The following FAM131B variants were observed in gnomAD, a reference collection of about 807,000 sequenced individuals.
FAM131B encodes the protein protein FAM131B.
FAM131B carries 19 observed loss-of-function variants against 42.0 expected under a neutral mutation model. The observed-to-expected ratio is 0.45, with a 90% CI of 0.32 to 0.66. The LOEUF (loss-of-function observed/expected upper bound fraction) is 0.66, where lower values mean the gene tolerates loss of function less well. Among genes scored for constraint, FAM131B ranks in the 30% least tolerant of loss-of-function variants. The pLI is 0.05. For missense variants in FAM131B, 370 were observed against 468.4 expected (o/e 0.79, Z 1.94); for synonymous variants, 183 against 177.6 (o/e 1.03, Z -0.24).
chr7:143,360,048 A>T lies in FAM131B; in HGVS notation c.130T>A (p.Ser44Thr), dbSNP rs1441572879. Residue 44 changes from serine (S) to threonine (T), a missense_variant, in exon 2 of 7, where the codon TCG becomes ACG. Coordinates refer to ENST00000443739, the MANE Select transcript of FAM131B (RefSeq NM_001031690.3). ...SLHGSSLHRP[S>T]TEQTRTDFSW... Reference sequence around the variant, plus strand: ...GCTGAGTGAGGTCTCACCTCAGTCGATGGCCGATGGAGGCTGCTCCCGTGC... The same window carrying T: ...GCTGAGTGAGGTCTCACCTCAGTCGTTGGCCGATGGAGGCTGCTCCCGTGC... 1 of 1,612,326 alleles carries T rather than the reference A, an allele frequency of 6.2e-7. No homozygotes were observed. Among genetic ancestry groups the T allele is most frequent in the Non-Finnish European group, 8.5e-7 (1 of 1,178,710 alleles).
At chr7:143,375,068 C>A in the FAM131B span, among the ~76,000 whole-genome samples, 2 of 152,230 alleles carry the variant, frequency 1.3e-5, no homozygotes, top group Non-Finnish European at 2.9e-5. Context: ...TCCCCAGCAC[C>A]TAACAAACTG....
the FAM131B span, among the ~76,000 whole-genome samples, chr7:143,369,661 C>T: frequency 7.2e-5 from 8 of 110,492 alleles, no homozygotes; most frequent in Non-Finnish European, 1.2e-4. Flanking sequence ...GGCGACAGAG[C>T]GAGAATCCGT....
the FAM131B span, chr7:143,379,900 G>T: frequency 4.2e-6 from 1 of 237,382 alleles, no homozygotes; most frequent in Non-Finnish European, 6.8e-6. Flanking sequence ...TCTGACACCA[G>T]TTTCAGTTTA....
At position 143,360,070 on chromosome 7, in the gene FAM131B, G is replaced by A. The variant is rs886341286; in HGVS notation, c.108C>T (p.His36=). Residue 36 remains histidine (H), a synonymous_variant, in exon 2 of 7, where the codon CAC becomes CAT. Coordinates refer to ENST00000443739, the MANE Select transcript of FAM131B (RefSeq NM_001031690.3). ...TCGATGGCCGATGGAGGCTGCTCCCGTGCAGTGAGCTGGTGCTGTCCATGT... is the reference window on the plus strand; with the variant it reads ...TCGATGGCCGATGGAGGCTGCTCCCATGCAGTGAGCTGGTGCTGTCCATGT... The part of the protein sequence containing the change: ...QINMDSTSSL[H]GSSLHRPSTE... 1.9e-5 allele frequency: 31 copies of A among 1,613,692 alleles called. No individual in the cohort carries two copies. The highest frequency in any genetic ancestry group is 5.3e-5 in the African/African-American group (4 of 74,914).
In FAM131B at chr7:143,359,349, G is replaced by A. The variant is rs541030689; in HGVS notation, c.245C>T (p.Ala82Val). ...ACCTGAGAATGATGACTTGGCCAGG[G>A]CCCCAATGCCATAGGCGTTAGAGTT... Reference protein sequence around the residue: ...KRNSNAYGIGALAKSSFSGIS... With the variant: ...KRNSNAYGIGVLAKSSFSGIS... Residue 82 changes from alanine (A) to valine (V), a missense_variant, in exon 4 of 7, where the codon GCC becomes GTC. Physicochemically the swap from Ala to Val is moderately conservative, Grantham distance 64 (BLOSUM62 0). Coordinates refer to ENST00000443739, the MANE Select transcript of FAM131B (RefSeq NM_001031690.3). This position sits in a 1 kb window ranked among gnomAD's most constrained non-coding sequence, Gnocchi z 5.4. 6.2e-7 allele frequency: 1 copy of A among 1,613,514 alleles called. No homozygotes were observed. The highest frequency in any genetic ancestry group is 1.3e-5 in the African/African-American group (1 of 75,056).
chr7:143,373,566 C>G, the FAM131B span, among the ~76,000 whole-genome samples: 1 of 152,110 alleles, frequency 6.6e-6, no homozygotes, highest in Non-Finnish European at 1.5e-5. Flanking sequence ...ACATTGTCTG[C>G]CACCTGGTGG....
At chr7:143,365,932 T>C (rs1804169754), upstream of FAM131B, among the ~76,000 whole-genome samples, 1 of 152,036 alleles carries the variant, frequency 6.6e-6, no homozygotes, top group African/African-American at 2.4e-5. Flanking sequence ...ATTTTTATTT[T>C]TGTAGATGGG....
chr7:143,367,169 C>A (rs1158116559), upstream of FAM131B, among the ~76,000 whole-genome samples: 1 of 152,156 alleles, frequency 6.6e-6, no homozygotes, highest in Admixed American at 6.5e-5. Context: ...TGGGGCACAG[C>A]AAGTTTGCTG....
At chr7:143,382,154 AG>A in the FAM131B span, 1 of 1,052,754 alleles carries the variant, frequency 9.5e-7, no homozygotes, top group Non-Finnish European at 1.4e-6. Context: ...CCCCTGAGAG[AG>A]TTCTTGGGTT....
chr7:143,381,914 CT>C, the FAM131B span: 2 of 914,050 alleles, frequency 2.2e-6, no homozygotes, highest in Non-Finnish European at 3.2e-6. Context: ...AGCAGATGTT[CT>C]TACCTCATCG....
the FAM131B span, chr7:143,381,802 T>G: frequency 1.3e-6 from 2 of 1,521,668 alleles, no homozygotes; most frequent in Non-Finnish European, 1.8e-6. Context: ...GCTTGGGGAA[T>G]GTACCCCGGC....
chr7:143,365,119 A>G (rs1804150466), upstream of FAM131B, among the ~76,000 whole-genome samples: 1 of 152,242 alleles, frequency 6.6e-6, no homozygotes, highest in African/African-American at 2.4e-5. Context: ...CAATTGAGAA[A>G]GGGAAGCTCA....
the FAM131B span, among the ~76,000 whole-genome samples, chr7:143,377,743 T>A: frequency 5.3e-5 from 8 of 152,248 alleles, no homozygotes; most frequent in Admixed American, 5.2e-4. Flanking sequence ...GGACAGAGTC[T>A]CGATCTGTCA....
At chr7:143,357,760 G>A (rs1031135705) in intron 5 of FAM131B, among the ~76,000 whole-genome samples, 17 of 152,242 alleles carry the variant, frequency 1.1e-4, no homozygotes, top group Middle Eastern at 6.8e-3. Context: ...TCTCCATTCA[G>A]AAGAGCCACA....
At chr7:143,371,716 G>A in the FAM131B span, among the ~76,000 whole-genome samples, 1 of 152,144 alleles carries the variant, frequency 6.6e-6, no homozygotes, top group Non-Finnish European at 1.5e-5. Flanking sequence ...GTCATGGGAG[G>A]CCTCACTGAG....
intron 1 of FAM131B, 23 bp from the exon 2 acceptor site, chr7:143,360,172 C>CGCCGGCCCTCACCTCCCTGTGCA: frequency 6.3e-7 from 1 of 1,584,654 alleles, no homozygotes; most frequent in Non-Finnish European, 8.6e-7. Flanking sequence ...GAAGGTTAGC[C>CGCCGGCCCTCACCTCCCTGTGCA]GCCGGCCCTC....
At position 143,358,733 on chromosome 7, in the gene FAM131B, G is replaced by T. The variant is rs909850012; in HGVS notation, c.466+94C>A. Reference sequence around the variant, plus strand: ...AAATGTGAATCTACGGTCAAAGTATGGATGGAGCTAATCCTGCCACAGGGG... The same window carrying T: ...AAATGTGAATCTACGGTCAAAGTATTGATGGAGCTAATCCTGCCACAGGGG... On this transcript the variant is annotated intron_variant, in intron 5 of 6. Transcript: ENST00000443739. This position sits in a 1 kb window ranked among gnomAD's most constrained non-coding sequence, Gnocchi z 4.7. 6 of 919,774 alleles carry T rather than the reference G, an allele frequency of 6.5e-6. No homozygotes were observed. The African/African-American group carries it at 9.8e-5, about 15-fold the overall frequency. 57.0% of individuals were successfully genotyped at this position (919,774 alleles called of 1,614,324 possible). A position where few individuals can be genotyped will look rare whatever the true frequency, so the allele number is the denominator to read the frequency against.
the FAM131B span, among the ~76,000 whole-genome samples, chr7:143,374,855 C>G: frequency 6.6e-6 from 1 of 152,218 alleles, no homozygotes; most frequent in Non-Finnish European, 1.5e-5. Context: ...GCTTCCCTCT[C>G]CTGAGCTCCC....
At chr7:143,381,622 G>A in the FAM131B span, 2 of 1,612,234 alleles carry the variant, frequency 1.2e-6, no homozygotes, top group Non-Finnish European at 1.7e-6. Flanking sequence ...TCTCGGCTCC[G>A]GCTTTTTACG....
Sources: gnomAD v4.1 joint callset for allele counts (sites outside exome capture counted in the v4.1 genomes callset) on GRCh38, gnomAD v4.1.1 for gene constraint, Gnocchi (gnomAD v3.1) non-coding constraint, MANE v1.5 for transcripts, NCBI Gene and HGNC (gene_info 2026-07-23, HGNC 2026-07-21) for gene names.